Variants in SORBS2 observed in about 807,000 individuals in gnomAD.
SORBS2 encodes the protein sorbin and SH3 domain-containing protein 2.
In SORBS2, 46 loss-of-function variants were observed where a neutral mutation model predicts 97.7. The observed-to-expected ratio is 0.47, with a 90% confidence interval of 0.37 to 0.60. The LOEUF is 0.60. Ranked by LOEUF, SORBS2 falls within the 20% of genes least tolerant of loss-of-function variation. SORBS2 has a pLI of 0.00. For synonymous variants in SORBS2, 476 were observed against 473.4 expected, an observed-to-expected ratio of 1.01 and a Z score of -0.07; for missense variants, 1,316 against 1,282.3, an observed-to-expected ratio of 1.03 and a Z score of -0.40.
Position 185,809,455 on chromosome 4 carries a change from CAAAA to C in SORBS2, c.-337-34093_-337-34090del, listed in dbSNP as rs55713465. ...GACTCTTCAGGGGGCACTGCATTTG[CAAAA>C]AAAAAAAAAAAAAAAAAAAAAAATC... On this transcript the variant is annotated intron_variant, in intron 1 of 20. Transcript: ENST00000284776. 9.9e-3 allele frequency among the ~76,000 whole-genome samples: 466 copies of C among 47,244 alleles called. 2 individuals are homozygous for C. Among genetic ancestry groups the C allele is most frequent in the African/African-American group, 0.022 (256 of 11,534 alleles). 31.0% of individuals were successfully genotyped at this position (47,244 alleles called of 152,430 possible).
At chr4:185,762,870 T>C (rs917576359) in intron 2 of SORBS2, among the ~76,000 whole-genome samples, 4 of 152,214 alleles carry the variant, frequency 2.6e-5, no homozygotes, top group African/African-American at 9.6e-5. Context: ...GCATATTCAG[T>C]ATTTTTAGTT....
intron 1 of SORBS2, among the ~76,000 whole-genome samples, chr4:185,860,736 G>T (rs1056267970): frequency 6.6e-6 from 1 of 152,200 alleles, no homozygotes; most frequent in African/African-American, 2.4e-5. Flanking sequence ...CAACTCGAAG[G>T]TGGGAGGCTT....
At chr4:185,758,640 A>T (rs2098845355) in intron 2 of SORBS2, among the ~76,000 whole-genome samples, 1 of 151,970 alleles carries the variant, frequency 6.6e-6, no homozygotes, top group African/African-American at 2.4e-5. Context: ...TAGCTTCCTA[A>T]TTAGTCTCCA....
chr4:185,869,330 C>CT (rs2099229087), intron 1 of SORBS2, among the ~76,000 whole-genome samples: 1 of 152,192 alleles, frequency 6.6e-6, no homozygotes, highest in African/African-American at 2.4e-5. Context: ...ACTGGAATAA[C>CT]TGCAGGTTAA....
chr4:185,809,789 G>C (rs557767183), intron 1 of SORBS2, among the ~76,000 whole-genome samples: 231 of 152,270 alleles, frequency 1.5e-3, no homozygotes, highest in African/African-American at 5.1e-3. Flanking sequence ...TAAGGGTCTT[G>C]TCTCACTTGG....
chr4:185,890,408 G>A (rs538513827), intron 1 of SORBS2, among the ~76,000 whole-genome samples: 1 of 152,300 alleles, frequency 6.6e-6, no homozygotes, highest in South Asian at 2.1e-4. Flanking sequence ...CTCTTATCCT[G>A]ACAAGAAGAC....
At chr4:185,677,133 G>C (rs1276271494) in intron 4 of SORBS2, 1 of 1,551,706 alleles carries the variant, frequency 6.4e-7, no homozygotes, top group Non-Finnish European at 8.7e-7. Flanking sequence ...TGAAAGGGGA[G>C]CTATCTGAAT....
intron 4 of SORBS2, among the ~76,000 whole-genome samples, chr4:185,668,584 C>T (rs1022247686): frequency 2.0e-5 from 3 of 152,170 alleles, no homozygotes; most frequent in African/African-American, 7.2e-5. Flanking sequence ...CCTGTAGACC[C>T]AAGGGGAAAG....
intron 1 of SORBS2, among the ~76,000 whole-genome samples, chr4:185,908,357 A>ATATATATATATTTG (rs2099252834): frequency 6.9e-6 from 1 of 145,972 alleles, no homozygotes; most frequent in African/African-American, 2.5e-5. Flanking sequence ...ATACACATAT[A>ATATATATATATTTG]TATACATGTA....
chr4:185,897,477 T>C (rs1280973267), intron 1 of SORBS2, among the ~76,000 whole-genome samples: 1 of 152,226 alleles, frequency 6.6e-6, no homozygotes, highest in Non-Finnish European at 1.5e-5. Context: ...AATGGACAGT[T>C]TCCCCTGTAT....
intron 4 of SORBS2, among the ~76,000 whole-genome samples, chr4:185,644,521 C>A (rs1334158711): frequency 2.6e-5 from 4 of 152,190 alleles, no homozygotes; most frequent in African/African-American, 4.8e-5. Context: ...GGCTGTACAG[C>A]AGCGACCAAG....
At chr4:185,883,429 G>A (rs560946583) in intron 1 of SORBS2, among the ~76,000 whole-genome samples, 2 of 152,300 alleles carry the variant, frequency 1.3e-5, no homozygotes, top group South Asian at 4.1e-4. Flanking sequence ...CACTGCTTGT[G>A]GGAATGCAAA....
intron 1 of SORBS2, among the ~76,000 whole-genome samples, chr4:185,814,396 C>G (rs2099192001): frequency 6.6e-6 from 1 of 151,340 alleles, no homozygotes; most frequent in South Asian, 2.1e-4. Flanking sequence ...AAACAATTAG[C>G]CAGGCATGGT....
In SORBS2 at chr4:185,670,633, C is replaced by T. The variant is rs147124357; in HGVS notation, c.-46+7790G>A. 2.3e-3 allele frequency among the ~76,000 whole-genome samples: 347 copies of T among 148,724 alleles called. 3 individuals are homozygous for T. The highest frequency in any genetic ancestry group is 8.3e-3 in the African/African-American group (335 of 40,488). On this transcript the variant is annotated intron_variant, in intron 4 of 20. Coordinates refer to the SORBS2 transcript ENST00000284776. ...GTTTTTTTTTTTTTGGAGTCTTGCT[C>T]TCGACCTCCAAAAGTGCTGGGATTA...
At chr4:185,642,553 G>C (rs531963143) in intron 4 of SORBS2, among the ~76,000 whole-genome samples, 1 of 152,048 alleles carries the variant, frequency 6.6e-6, no homozygotes, top group Non-Finnish European at 1.5e-5. Flanking sequence ...TTTGTGGTTC[G>C]AGTCAGTTCA....
At chr4:185,681,274 CTT>C (rs2097862450) in intron 2 of SORBS2, among the ~76,000 whole-genome samples, 1 of 152,052 alleles carries the variant, frequency 6.6e-6, no homozygotes, top group Non-Finnish European at 1.5e-5. Flanking sequence ...TATGTGGACA[CTT>C]TTTAGCATAG....
intron 4 of SORBS2, among the ~76,000 whole-genome samples, chr4:185,671,302 G>T (rs1455262076): frequency 6.6e-6 from 1 of 152,180 alleles, no homozygotes; most frequent in Non-Finnish European, 1.5e-5. Context: ...TTCAGATCGG[G>T]AATATGGTTT....
chr4:185,904,478 C>T (rs745535421), intron 1 of SORBS2, among the ~76,000 whole-genome samples: 14 of 152,108 alleles, frequency 9.2e-5, no homozygotes, highest in African/African-American at 2.4e-4. Context: ...TCTGTAAGAA[C>T]GGTAAAAAGC....
At chr4:185,870,141 G>A (rs1355606491) in intron 1 of SORBS2, among the ~76,000 whole-genome samples, 1 of 152,172 alleles carries the variant, frequency 6.6e-6, no homozygotes, top group Non-Finnish European at 1.5e-5. Flanking sequence ...GCCATTGTAT[G>A]CTCTAAACTT....
Sources: gnomAD v4.1 joint callset for allele counts (sites outside exome capture counted in the v4.1 genomes callset) on GRCh38, gnomAD v4.1.1 for gene constraint, MANE v1.5 for transcripts, NCBI Gene and HGNC (gene_info 2026-07-23, HGNC 2026-07-21) for gene names.